TRHDE: variants seen among roughly 807,000 people sequenced by gnomAD.
The protein encoded by TRHDE is thyrotropin releasing hormone degrading enzyme, also known as thyrotropin-releasing hormone-degrading ectoenzyme.
Under a neutral mutation model 125.7 loss-of-function variants are expected in TRHDE, and 72 were observed. That is an observed-to-expected ratio of 0.57 (90% CI 0.47 to 0.70). The LOEUF (loss-of-function observed/expected upper bound fraction) is 0.70, where lower values mean the gene tolerates loss of function less well. TRHDE is among the 30% of genes least tolerant of loss of function. TRHDE has a pLI of 0.00. For synonymous variants in TRHDE, 509 were observed against 509.1 expected (o/e 1.00, Z 0.00); for missense variants, 1,110 against 1,327.1 (o/e 0.84, Z 2.54).
intron 6 of TRHDE, among the ~76,000 whole-genome samples, chr12:72,521,747 CA>C (rs1868256121): frequency 6.6e-6 from 1 of 152,178 alleles, no homozygotes; most frequent in African/African-American, 2.4e-5. Context: ...ATGAAATGTG[CA>C]AACATTTATT....
chr12:72,238,311 T>TA (rs1188300037), intron 2 of TRHDE, among the ~76,000 whole-genome samples: 1 of 32,584 alleles, frequency 3.1e-5, no homozygotes, highest in Non-Finnish European at 6.3e-5. Context: ...TATATATATA[T>TA]ATATATATAT....
intron 3 of TRHDE, among the ~76,000 whole-genome samples, chr12:72,455,431 T>C (rs1164818431): frequency 6.6e-6 from 1 of 152,176 alleles, no homozygotes; most frequent in Admixed American, 6.5e-5. Flanking sequence ...TTTTGAAAGT[T>C]TTTTTTGTAA....
chr12:72,282,379 A>C (rs1375636737), intron 1 of TRHDE, among the ~76,000 whole-genome samples: 1 of 152,122 alleles, frequency 6.6e-6, no homozygotes, highest in Non-Finnish European at 1.5e-5. Flanking sequence ...TCTCAAAATC[A>C]CCGTTGCTAT....
At chr12:72,569,902 A>AT (rs1870637922) in intron 10 of TRHDE, among the ~76,000 whole-genome samples, 2 of 151,942 alleles carry the variant, frequency 1.3e-5, no homozygotes, top group African/African-American at 4.8e-5. Context: ...GTATTATTTG[A>AT]TTTTGTATTT....
intron 2 of TRHDE, among the ~76,000 whole-genome samples, chr12:72,238,299 T>TA (rs1213161150): frequency 3.0e-5 from 1 of 33,342 alleles, no homozygotes; most frequent in Non-Finnish European, 6.1e-5. Context: ...TATATATATA[T>TA]ATATATATAT....
rs568870839 is a variant in TRHDE at position 72,294,386 on chromosome 12, G to T, written c.1188+7432G>T. Among the ~76,000 whole-genome samples, 6 of 152,216 alleles carry T rather than the reference G, an allele frequency of 3.9e-5. No homozygotes were observed. The South Asian group carries it at 1.2e-3, about 32-fold the overall frequency. On this transcript the variant is annotated intron_variant, in intron 2 of 18. Transcript: ENST00000261180. ...TGTGTGTGTGGTGGGGGGCGGTGGG[G>T]CGGACAGCTCCTTTCCACAGCCAGG... is the stretch of plus-strand genomic sequence containing the variant.
At chr12:72,329,728 G>GA (rs139967646) in intron 2 of TRHDE, among the ~76,000 whole-genome samples, 1,557 of 152,230 alleles carry the variant, frequency 0.01, 30 homozygotes, top group Middle Eastern at 0.031. Flanking sequence ...TTTGGATGGA[G>GA]AAAAAAGAGG....
At chr12:72,327,908 A>G (rs556084561) in intron 2 of TRHDE, among the ~76,000 whole-genome samples, 2 of 152,232 alleles carry the variant, frequency 1.3e-5, no homozygotes, top group South Asian at 4.2e-4. Flanking sequence ...TCTCACACAC[A>G]TTTCCTCATC....
intron 15 of TRHDE, among the ~76,000 whole-genome samples, chr12:72,623,928 A>AC (rs1873155716): frequency 6.6e-6 from 1 of 152,078 alleles, no homozygotes; most frequent in African/African-American, 2.4e-5. Flanking sequence ...AATTTGGGCC[A>AC]AACAAGATTC....
chr12:72,499,416 G>A (rs1878052639), intron 5 of TRHDE, 82 bp from the exon 6 acceptor site: 1 of 1,493,204 alleles, frequency 6.7e-7, no homozygotes, highest in Admixed American at 2.1e-5. Context: ...GCAATTAAGT[G>A]ACACACATTA....
intron 2 of TRHDE, among the ~76,000 whole-genome samples, chr12:72,322,753 G>A (rs994144721): frequency 6.6e-6 from 1 of 152,082 alleles, no homozygotes; most frequent in Admixed American, 6.6e-5. Context: ...TACCACTTTG[G>A]TATTGGAAGA....
At chr12:72,458,767 T>C (rs1237044314) in intron 3 of TRHDE, among the ~76,000 whole-genome samples, 1 of 152,272 alleles carries the variant, frequency 6.6e-6, no homozygotes, top group African/African-American at 2.4e-5. Context: ...CTCCTTAACC[T>C]GAAATACACT....
At chr12:72,176,827 T>C (rs1390272639) in intron 2 of TRHDE, among the ~76,000 whole-genome samples, 1 of 152,224 alleles carries the variant, frequency 6.6e-6, no homozygotes, top group Admixed American at 6.5e-5. Flanking sequence ...AAAATAGTCA[T>C]TTTGATATTT....
chr12:72,636,893 G>C (rs1384159139), intron 15 of TRHDE, among the ~76,000 whole-genome samples: 2 of 152,036 alleles, frequency 1.3e-5, no homozygotes, highest in East Asian at 3.9e-4. Context: ...ATGTGCTGCT[G>C]GATTCGTTTT....
At chr12:72,349,798 C>CCTG (rs1296222958) in intron 2 of TRHDE, among the ~76,000 whole-genome samples, 7 of 152,040 alleles carry the variant, frequency 4.6e-5, no homozygotes, top group Admixed American at 4.6e-4. Context: ...TAGGTCTTGC[C>CCTG]CTGTTATTTC....
intron 6 of TRHDE, among the ~76,000 whole-genome samples, chr12:72,536,274 T>C (rs1442763354): frequency 1.3e-5 from 2 of 152,142 alleles, no homozygotes; most frequent in African/African-American, 2.4e-5. Flanking sequence ...GCACTAAAAA[T>C]GGAGCTACTA....
At chr12:72,374,022 G>C (rs1471544094) in intron 2 of TRHDE, among the ~76,000 whole-genome samples, 1 of 152,128 alleles carries the variant, frequency 6.6e-6, no homozygotes, top group East Asian at 1.9e-4. Context: ...AGGAGCAAGG[G>C]ACGAGGCATC....
intron 2 of TRHDE, among the ~76,000 whole-genome samples, chr12:72,187,870 G>A (rs1877259522): frequency 6.6e-6 from 1 of 152,142 alleles, no homozygotes; most frequent in Non-Finnish European, 1.5e-5. Flanking sequence ...TGCATTACCA[G>A]ATTAAATGTA....
chr12:72,094,287 G>A (rs1192768438), intron 1 of TRHDE, among the ~76,000 whole-genome samples: 3 of 152,212 alleles, frequency 2.0e-5, no homozygotes, highest in Admixed American at 2.0e-4. Flanking sequence ...CCCTGGCCAA[G>A]CAGGACTGGC....
Sources: allele counts gnomAD v4.1 joint callset (sites outside exome capture counted in the v4.1 genomes callset), GRCh38; gene constraint gnomAD v4.1.1; transcripts MANE v1.5; gene names NCBI Gene and HGNC (gene_info 2026-07-23, HGNC 2026-07-21).